Variants in MLST8 observed in about 807,000 individuals in gnomAD.
The protein encoded by MLST8 is MTOR associated protein MLST8.
In MLST8, 20 loss-of-function variants were observed where a neutral mutation model predicts 41.3. That is an observed-to-expected ratio of 0.48 (90% CI 0.34 to 0.70). The LOEUF (loss-of-function observed/expected upper bound fraction) is 0.70, where lower values mean the gene tolerates loss of function less well. Ranked by LOEUF, MLST8 falls within the 30% of genes least tolerant of loss-of-function variation. MLST8 has a pLI of 0.01. For synonymous variants in MLST8, 243 were observed against 183.0 expected (o/e 1.33, Z -2.65); for missense variants, 422 against 454.3 (o/e 0.93, Z 0.65).
rs756116009 is a variant in MLST8, at chr16:2,208,771, A to C, written c.875A>C (p.Asn292Thr). 1 of 1,613,820 alleles carries C rather than the reference A, an allele frequency of 6.2e-7. No individual in the cohort carries two copies. Reference sequence around the variant, plus strand: ...TCTCCCCCTCCAGCTTCCTCGGACAACCTGGCCCGGCTCTGGTGTGTGGAG... The same window carrying C: ...TCTCCCCCTCCAGCTTCCTCGGACACCCTGGCCCGGCTCTGGTGTGTGGAG... ...SQYIVTASSD[N>T]LARLWCVETG... The change falls in exon 9 of 9, where the codon AAC becomes ACC. Residue 292 changes from asparagine to threonine, a missense_variant. Coordinates refer to ENST00000569417, the MANE Select transcript of MLST8 (RefSeq NM_022372.6).
intron 4 of MLST8, 179 bp downstream of exon 4, chr16:2,206,838 C>T: frequency 2.0e-6 from 2 of 1,017,124 alleles, no homozygotes; most frequent in Admixed American, 3.9e-5. Flanking sequence ...TGCCTTGAGC[C>T]CGGAGCCAGC....
In MLST8 at chr16:2,208,832, G is replaced by C; in HGVS notation, c.936G>C (p.Gln312His). 6.2e-7 allele frequency: 1 copy of C among 1,613,798 alleles called. No homozygotes were observed. The highest frequency in any genetic ancestry group is 8.5e-7 in the Non-Finnish European group (1 of 1,179,932). ...GEIKREYGGHQKAVVCLAFND... is the reference protein window; with the variant it reads ...GEIKREYGGHHKAVVCLAFND... ...TCAAGAGAGAGTATGGCGGCCACCA[G>C]AAGGCTGTTGTCTGCCTGGCCTTCA... Residue 312 changes from glutamine to histidine, a missense_variant, in exon 9 of 9, where the codon CAG becomes CAC. Coordinates refer to ENST00000569417, the MANE Select transcript of MLST8 (RefSeq NM_022372.6).
chr16:2,205,717 G>T, intron 1 of MLST8: 1 of 1,002,012 alleles, frequency 1.0e-6, no homozygotes, highest in Non-Finnish European at 1.2e-6. Flanking sequence ...GGCTTTCCCC[G>T]GCCCATCCGC....
intron 6 of MLST8, 28 bp from the exon 7 acceptor site, chr16:2,208,182 C>T: frequency 1.9e-6 from 3 of 1,580,398 alleles, no homozygotes; most frequent in Non-Finnish European, 2.6e-6. Flanking sequence ...GGCCTTGGGC[C>T]CTCCGTGACG....
rs556405323 is a variant in MLST8, at chr16:2,205,799, G to A, written c.-55-232G>A. The A allele has an allele frequency of 3.1e-4, 325 of 1,063,530 alleles. No homozygotes were observed. In the African/African-American group the frequency reaches 4.5e-3, roughly 15 times the overall value. The allele number at this position is 1,063,530 out of a possible 1,614,324, so 65.9% of individuals were successfully genotyped here. A position where few individuals can be genotyped will look rare whatever the true frequency, so the allele number is the denominator to read the frequency against. On this transcript the variant is annotated intron_variant, in intron 1 of 8. Transcript: ENST00000569417. ...GCGTGACTCCCCCCTGCCGGCTGCG[G>A]AGGTGGGGGGGGGACGGCGCCCCCG...
In MLST8 at chr16:2,209,196, C is replaced by T; in HGVS notation, c.*319C>T. 1.4e-6 allele frequency: 1 copy of T among 706,700 alleles called. No individual in the cohort carries two copies. The highest frequency in any genetic ancestry group is 1.9e-5 in the South Asian group (1 of 53,534). The allele number at this position is 706,700 out of a possible 1,614,324, so 43.8% of individuals were successfully genotyped here. On this transcript the variant is annotated 3_prime_UTR_variant, in exon 9 of 9. Coordinates refer to ENST00000569417, the MANE Select transcript of MLST8 (RefSeq NM_022372.6). ...GCCCACCCCCAAGCTAGTGTGTTCT[C>T]TGCCCCTCCCTGCCCGCGTTTCAGG...
In MLST8 at chr16:2,208,809, AAG is replaced by A; in HGVS notation, c.920_921del (p.Glu307ValfsTer15). ...RLWCVETGEI[K>X]REYGGHQKAV... ...CTGGTGTGTGGAGACTGGAGAGATCAAGAGAGAGTATGGCGGCCACCAGAAGG... is the reference window on the plus strand; with the variant it reads ...CTGGTGTGTGGAGACTGGAGAGATCAAGAGAGTATGGCGGCCACCAGAAGG... On this transcript the variant is annotated frameshift_variant, in exon 9 of 9. Transcript: ENST00000569417. LOFTEE classifies it high-confidence loss of function. 6.2e-7 allele frequency: 1 copy of A among 1,613,954 alleles called. No homozygotes were observed. The highest frequency in any genetic ancestry group is 8.5e-7 in the Non-Finnish European group (1 of 1,179,928).
intron 3 of MLST8, 25 bp from the exon 4 acceptor site, chr16:2,206,472 G>T (rs773156388): frequency 1.9e-6 from 3 of 1,611,998 alleles, no homozygotes; most frequent in Non-Finnish European, 2.5e-6. Context: ...GCACAGCCAA[G>T]CTTCAGTTCA....
chr16:2,206,445 C>T, intron 3 of MLST8, 36 bp downstream of exon 3: 3 of 1,613,904 alleles, frequency 1.9e-6, no homozygotes, highest in African/African-American at 2.7e-5. Flanking sequence ...CTCCTGAGCT[C>T]TGGTGGGTCG....
intron 1 of MLST8, 24 bp from the exon 2 acceptor site, chr16:2,206,007 A>C (rs2093279009): frequency 6.6e-7 from 1 of 1,514,206 alleles, no homozygotes; most frequent in Non-Finnish European, 8.8e-7. Context: ...GTGTCTTCTA[A>C]GTACTTCACA....
chr16:2,207,938 T>G, intron 6 of MLST8: 1 of 376,710 alleles, frequency 2.7e-6, no homozygotes, highest in Non-Finnish European at 4.8e-6. Context: ...GCCCTTCTCC[T>G]GTCTACTTCC....
Position 2,207,432 on chromosome 16 carries a change from T to C in MLST8, c.573+87T>C, listed in dbSNP as rs2093313937. ...GGTGGGCTTATTCCTGGATGTCCCT[T>C]AGCGGCCCCCTCCTGCTTTCCCCAT... On this transcript the variant is annotated intron_variant, in intron 6 of 8. Transcript: ENST00000569417. The C allele has an allele frequency of 2.0e-6, 3 of 1,507,602 alleles. No homozygotes were observed. In the East Asian group the frequency reaches 6.8e-5, roughly 34 times the overall value. The allele number at this position is 1,507,602 out of a possible 1,614,324, so 93.4% of individuals were successfully genotyped here. A position where few individuals can be genotyped will look rare whatever the true frequency, so the allele number is the denominator to read the frequency against.
At chr16:2,205,894 G>T in intron 1 of MLST8, 137 bp from the exon 2 acceptor site, 1 of 1,400,572 alleles carries the variant, frequency 7.1e-7, no homozygotes, top group Non-Finnish European at 9.3e-7. Flanking sequence ...CGTGTGACGC[G>T]TGTCCCTGAA....
rs570041243 is a variant in MLST8 at position 2,206,465 on chromosome 16, C to T, written c.182-32C>T. 20 of 1,612,638 alleles carry T rather than the reference C, an allele frequency of 1.2e-5. No homozygotes were observed. The African/African-American group carries it at 2.0e-4, about 16-fold the overall frequency. On this transcript the variant is annotated intron_variant, in intron 3 of 8. Transcript: ENST00000569417. The stretch of plus-strand genomic sequence containing the variant: ...GAGCTCTGGTGGGTCGACCTCAGCA[C>T]AGCCAAGCTTCAGTTCAGCCTGTGT...
At position 2,208,353 on chromosome 16, in the gene MLST8, G is replaced by A. The variant is rs2093338484; in HGVS notation, c.698+19G>A. ...ACTCCACGTGCGTGCAGGGCCTGCT[G>A]GCCCGGGAGGGGACCTGCCTGGGCT... On this transcript the variant is annotated intron_variant, in intron 7 of 8. Transcript: ENST00000569417. 3 of 1,604,760 alleles carry A rather than the reference G, an allele frequency of 1.9e-6. No homozygotes were observed. The African/African-American group carries it at 4.0e-5, about 21-fold the overall frequency.
chr16:2,208,333 A>G lies in MLST8; in HGVS notation c.697A>G (p.Thr233Ala). ...ALQCRFSPDSTLLATCSADQT... is the reference protein window; with the variant it reads ...ALQCRFSPDSALLATCSADQT... ...GCAGTGTCGCTTCAGCCCCGACTCC[A>G]CGTGCGTGCAGGGCCTGCTGGCCCG... The change falls in exon 7 of 9, where the codon ACG (threonine) becomes GCG (alanine). Residue 233 changes from threonine (T) to alanine (A), a missense_variant and splice_region_variant. By Grantham distance (58) the Thr-to-Ala change is moderately conservative. Coordinates refer to ENST00000569417, the MANE Select transcript of MLST8 (RefSeq NM_022372.6). 2 of 1,606,040 alleles carry G rather than the reference A, an allele frequency of 1.2e-6. No homozygotes were observed. The highest frequency in any genetic ancestry group is 1.7e-6 in the Non-Finnish European group (2 of 1,174,386).
intron 5 of MLST8, 24 bp downstream of exon 5, chr16:2,207,134 G>A (rs773191686): frequency 6.2e-7 from 1 of 1,613,340 alleles, no homozygotes; most frequent in Non-Finnish European, 8.5e-7. Flanking sequence ...ATGGGGCCAG[G>A]CACCCTGGGA....
chr16:2,207,823 C>T (rs1011449305), intron 6 of MLST8: 5 of 230,212 alleles, frequency 2.2e-5, no homozygotes, highest in South Asian at 1.7e-4. Flanking sequence ...TCTCTCCAGC[C>T]TCATTTTTTT....
chr16:2,205,679 C>T (rs1336690446), intron 1 of MLST8, 167 bp downstream of exon 1: 29 of 990,868 alleles, frequency 2.9e-5, no homozygotes, highest in Non-Finnish European at 3.1e-5. Context: ...TGCCGCTGGC[C>T]TGCTACGCAT....
Sources: gnomAD v4.1 joint callset for allele counts on GRCh38, gnomAD v4.1.1 for gene constraint, MANE v1.5 for transcripts, NCBI Gene and HGNC (gene_info 2026-07-23, HGNC 2026-07-21) for gene names.